The following FKBP11 variants were observed in gnomAD, a reference collection of about 807,000 sequenced individuals.
The protein encoded by FKBP11 is FKBP prolyl isomerase 11, also known as peptidyl-prolyl cis-trans isomerase FKBP11.
FKBP11 carries 21 observed loss-of-function variants against 24.7 expected under a neutral mutation model. The observed-to-expected ratio is 0.85, with a 90% CI of 0.60 to 1.23. The LOEUF (loss-of-function observed/expected upper bound fraction) is 1.23. Ranked by LOEUF, FKBP11 falls within the 50% of genes most tolerant of loss-of-function variation. FKBP11 has a pLI of 0.00. For synonymous variants in FKBP11, 106 were observed against 100.6 expected (o/e 1.05, Z -0.32); for missense variants, 245 against 248.7 (o/e 0.99, Z 0.10).
chr12:48,922,630 C>T (rs1379152895), intron 5 of FKBP11: 9 of 994,872 alleles, frequency 9.0e-6, no homozygotes, highest in East Asian at 1.1e-4. Flanking sequence ...GCACATTCAA[C>T]GTGATTATGA....
chr12:48,925,779 A>G (rs1371378992), upstream of FKBP11: 2 of 282,458 alleles, frequency 7.1e-6, no homozygotes, highest in East Asian at 1.4e-4. Context: ...AAAGGTCGGC[A>G]TGATTGTTTC....
intron 2 of FKBP11, 183 bp from the exon 3 acceptor site, chr12:48,924,831 T>C (rs1939921766): frequency 3.5e-6 from 5 of 1,447,124 alleles, no homozygotes; most frequent in South Asian, 1.5e-5. Flanking sequence ...CTCTCCACCC[T>C]GCACTTCTCC....
chr12:48,924,761 G>GC, intron 2 of FKBP11, 113 bp from the exon 3 acceptor site: 2 of 1,533,822 alleles, frequency 1.3e-6, no homozygotes, highest in Non-Finnish European at 1.8e-6. Flanking sequence ...CGGCAGCCTA[G>GC]CGTTCCCCTT....
At chr12:48,929,079 G>A (rs368120901), upstream of FKBP11, among the ~76,000 whole-genome samples, 150 of 148,464 alleles carry the variant, frequency 1.0e-3, no homozygotes, top group African/African-American at 3.2e-3. Flanking sequence ...CACCTGCCTC[G>A]GCCTCCCAAA....
upstream of FKBP11, among the ~76,000 whole-genome samples, chr12:48,931,128 TAAAAA>T (rs35482677): frequency 9.1e-4 from 33 of 36,206 alleles, no homozygotes; most frequent in South Asian, 4.1e-3. Context: ...GACTCCAGCT[TAAAAA>T]AAAAAAAAAA....
Position 48,925,386 on chromosome 12 carries a change from G to A in FKBP11, c.43C>T (p.Leu15=). The A allele has an allele frequency of 6.3e-7, 1 of 1,597,094 alleles. No homozygotes were observed. Among genetic ancestry groups the A allele is most frequent in the Non-Finnish European group, 8.5e-7 (1 of 1,173,064 alleles). Residue 15 remains leucine, a synonymous_variant, in exon 1 of 6, where the codon CTG becomes TTG. Transcript: ENST00000550765. The stretch of plus-strand genomic sequence containing the variant: ...CACACCGCCGCACTGAGCAGCAGCA[G>A]CAGCAGCAGATGGAGCGGGAGGAGT... ...PSLLPLHLLL[L]LLLSAAVCRA... is the part of the protein sequence containing the mutation.
rs758730212 is a variant in FKBP11, at chr12:48,923,963, G to T, written c.318-111C>A. 23 of 1,140,648 alleles carry T rather than the reference G, an allele frequency of 2.0e-5. No individual in the cohort carries two copies. In the African/African-American group the frequency reaches 3.0e-4, roughly 15 times the overall value. The allele number at this position is 1,140,648 out of a possible 1,614,324, so 70.7% of individuals were successfully genotyped here. A position where few individuals can be genotyped will look rare whatever the true frequency, so the allele number is the denominator to read the frequency against. ...CCCTGAATCTTCACACCCAAAACAC[G>T]AATTTTTCCACCTGAACACCAAACA... On this transcript the variant is annotated intron_variant, in intron 4 of 5. Transcript: ENST00000550765.
the FKBP11 span, among the ~76,000 whole-genome samples, chr12:48,933,595 G>A: frequency 2.6e-5 from 4 of 151,870 alleles, no homozygotes; most frequent in Admixed American, 6.6e-5. Context: ...CCAGCTACTC[G>A]GAGGCTGAGG....
In FKBP11 at chr12:48,923,863, G is replaced by A. The variant is rs1592231026; in HGVS notation, c.318-11C>T. 2 of 1,613,850 alleles carry A rather than the reference G, an allele frequency of 1.2e-6. No homozygotes were observed. Among genetic ancestry groups the A allele is most frequent in the Non-Finnish European group, 1.7e-6 (2 of 1,179,742 alleles). On this transcript the variant is annotated splice_polypyrimidine_tract_variant and intron_variant, in intron 4 of 5. Coordinates refer to ENST00000550765, the MANE Select transcript of FKBP11 (RefSeq NM_016594.3). ...GCCCTTCGCTTCTCTCTGAGGGAAG[G>A]AATGTCAGTCACAGCCAGAGGCAGG...
intron 5 of FKBP11, chr12:48,923,159 A>AAAAG (rs200170350): frequency 0.013 from 13,819 of 1,083,360 alleles, 7 homozygotes; most frequent in Non-Finnish European, 0.014. Context: ...AAAAAAAAAA[A>AAAAG]AAGAATTACG....
the FKBP11 span, chr12:48,938,639 C>A: frequency 1.2e-5 from 5 of 432,696 alleles, no homozygotes; most frequent in East Asian, 1.8e-4. Context: ...AAAGAGAATA[C>A]CCCACTCGAC....
chr12:48,932,231 A>ATTTATT, the FKBP11 span, among the ~76,000 whole-genome samples: 1 of 31,708 alleles, frequency 3.2e-5, no homozygotes, highest in Non-Finnish European at 5.4e-5. Flanking sequence ...ATATATTTAT[A>ATTTATT]TATATATATA....
At chr12:48,935,451 G>A in the FKBP11 span, among the ~76,000 whole-genome samples, 1 of 152,132 alleles carries the variant, frequency 6.6e-6, no homozygotes, top group South Asian at 2.1e-4. Context: ...GATTGGGGAA[G>A]GCTTGCCTGG....
intron 2 of FKBP11, 29 bp downstream of exon 2, chr12:48,925,017 G>C (rs12424638): frequency 2.3e-5 from 35 of 1,553,478 alleles, no homozygotes; most frequent in Non-Finnish European, 2.7e-5. Flanking sequence ...CCCCTCCCAG[G>C]CCCCGCCCCG....
chr12:48,936,446 G>GAGGAC, the FKBP11 span: 1 of 152,616 alleles, frequency 6.6e-6, no homozygotes, highest in Non-Finnish European at 1.5e-5. Context: ...GAGGAGAGGA[G>GAGGAC]AGGGAGTGGG....
At chr12:48,935,064 G>T in the FKBP11 span, among the ~76,000 whole-genome samples, 1 of 151,070 alleles carries the variant, frequency 6.6e-6, no homozygotes, top group Non-Finnish European at 1.5e-5. Context: ...AAAACACTTG[G>T]GAAAGATACT....
At chr12:48,922,483 C>T in intron 5 of FKBP11, 1 of 946,482 alleles carries the variant, frequency 1.1e-6, no homozygotes, top group Non-Finnish European at 1.3e-6. Flanking sequence ...ACAGGCTCTT[C>T]TCCATTTGTA....
chr12:48,923,856 A>T lies in FKBP11; in HGVS notation c.318-4T>A. ...AATGATTGCCCTTCGCTTCTCTCTG[A>T]GGGAAGGAATGTCAGTCACAGCCAG... On this transcript the variant is annotated splice_polypyrimidine_tract_variant and splice_region_variant and intron_variant, in intron 4 of 5. Transcript: ENST00000550765. The T allele has an allele frequency of 1.2e-6, 2 of 1,614,096 alleles. No homozygotes were observed. Among genetic ancestry groups the T allele is most frequent in the Non-Finnish European group, 1.7e-6 (2 of 1,179,960 alleles).
chr12:48,922,671 G>C, intron 5 of FKBP11: 1 of 993,058 alleles, frequency 1.0e-6, no homozygotes, highest in Non-Finnish European at 1.2e-6. Context: ...AAGAGCTGAA[G>C]AGGAAGAAGG....
Sources: gnomAD v4.1 joint callset for allele counts (sites outside exome capture counted in the v4.1 genomes callset) on GRCh38, gnomAD v4.1.1 for gene constraint, MANE v1.5 for transcripts, NCBI Gene and HGNC (gene_info 2026-07-23, HGNC 2026-07-21) for gene names.